The following USP48 variants were observed in gnomAD, a reference collection of about 807,000 sequenced individuals.
USP48 encodes the protein ubiquitin carboxyl-terminal hydrolase 48.
USP48 carries 43 observed loss-of-function variants against 150.7 expected under a neutral mutation model. The ratio of observed to expected loss-of-function variants is 0.29; its 90% CI spans 0.22 to 0.37. The LOEUF is 0.37. Ranked by LOEUF, USP48 falls within the 10% of genes least tolerant of loss-of-function variation. The probability of loss-of-function intolerance (pLI) is 1.00; values close to 1 mark genes in which losing one functional copy is unlikely to be tolerated. For missense variants in USP48, 813 were observed against 1,249.6 expected (o/e 0.65, Z 5.27); for synonymous variants, 396 against 425.9 (o/e 0.93, Z 0.86).
intron 8 of USP48, among the ~76,000 whole-genome samples, chr1:21,738,583 G>T (rs2097774053): frequency 7.0e-6 from 1 of 143,396 alleles, no homozygotes; most frequent in African/African-American, 2.6e-5. Context: ...GTCTCAAACT[G>T]CAGGCCTCAA....
At chr1:21,757,842 CAAATT>C (rs2097840746) in intron 1 of USP48, 59 bp from the exon 2 acceptor site, 4 of 1,504,366 alleles carry the variant, frequency 2.7e-6, no homozygotes, top group Non-Finnish European at 8.8e-7. Context: ...GAGAGACAAA[CAAATT>C]AAAACTAAAA....
At chr1:21,721,337 T>C (rs775562327) in intron 13 of USP48, among the ~76,000 whole-genome samples, 171 bp from the exon 14 acceptor site, 60 of 152,402 alleles carry the variant, frequency 3.9e-4, no homozygotes, top group Middle Eastern at 3.4e-3. Context: ...CTGTTCACTA[T>C]TGAACTGCAG....
chr1:21,778,059 C>T (rs561786990), intron 1 of USP48, among the ~76,000 whole-genome samples: 1 of 150,488 alleles, frequency 6.6e-6, no homozygotes, highest in Non-Finnish European at 1.5e-5. Context: ...AGGAGAATCG[C>T]TTGAACCTGG....
chr1:21,757,834 G>A lies in USP48; in HGVS notation c.135-51C>T, dbSNP rs796134335. The A allele has an allele frequency of 2.6e-6, 4 of 1,524,660 alleles. No individual in the cohort carries two copies. The African/African-American group carries it at 4.2e-5, about 16-fold the overall frequency. The allele number at this position is 1,524,660 out of a possible 1,614,324, so 94.4% of individuals were successfully genotyped here. A position where few individuals can be genotyped will look rare whatever the true frequency, so the allele number is the denominator to read the frequency against. On this transcript the variant is annotated intron_variant, in intron 1 of 26. Transcript: ENST00000308271. ...TTTTTAAAAGACCATAGTTTCATGAGAGACAAACAAATTAAAACTAAAATG... is the reference window on the plus strand; with the variant it reads ...TTTTTAAAAGACCATAGTTTCATGAAAGACAAACAAATTAAAACTAAAATG...
chr1:21,691,292 C>A (rs1191971661), intron 23 of USP48, among the ~76,000 whole-genome samples: 1 of 116,518 alleles, frequency 8.6e-6, no homozygotes, highest in Admixed American at 1.0e-4. Context: ...CCAGCCTATA[C>A]AACAAGAGCG....
chr1:21,699,199 T>G (rs397862236), intron 22 of USP48, among the ~76,000 whole-genome samples: 21,359 of 130,912 alleles, frequency 0.16, 1,682 homozygotes, highest in African/African-American at 0.27. Context: ...CTAATTTTTT[T>G]TTTTTTTTTT....
chr1:21,719,285 A>G (rs1342690790), intron 14 of USP48, among the ~76,000 whole-genome samples: 1 of 151,642 alleles, frequency 6.6e-6, no homozygotes, highest in East Asian at 1.9e-4. Context: ...CCATCTCAAA[A>G]AAGTAAAAAA....
chr1:21,711,315 T>A (rs1384591545), intron 15 of USP48, among the ~76,000 whole-genome samples: 1 of 152,046 alleles, frequency 6.6e-6, no homozygotes, highest in South Asian at 2.1e-4. Flanking sequence ...TTACAAAAAA[T>A]GAGAGAAGGG....
chr1:21,692,369 T>C (rs1195687681), intron 23 of USP48, among the ~76,000 whole-genome samples: 5 of 151,990 alleles, frequency 3.3e-5, no homozygotes. Flanking sequence ...TCCGGAACCA[T>C]GAAGATTGAG....
At chr1:21,758,185 A>AACACACAC (rs149088635) in intron 1 of USP48, among the ~76,000 whole-genome samples, 3,917 of 141,374 alleles carry the variant, frequency 0.028, 70 homozygotes, top group Middle Eastern at 0.04. Flanking sequence ...GCAACTGTAA[A>AACACACAC]ACACACACAC....
chr1:21,693,975 T>G (rs151032430), intron 23 of USP48, among the ~76,000 whole-genome samples: 1 of 152,296 alleles, frequency 6.6e-6, no homozygotes, highest in Non-Finnish European at 1.5e-5. Flanking sequence ...AGGAGGAAAT[T>G]TGGTCAACTT....
At chr1:21,782,535 C>G (rs913372404) in intron 1 of USP48, among the ~76,000 whole-genome samples, 30 of 152,244 alleles carry the variant, frequency 2.0e-4, no homozygotes, top group African/African-American at 7.2e-4. Flanking sequence ...GATACCCCAA[C>G]CATCAACGCT....
At position 21,773,810 on chromosome 1, in the gene USP48, C is replaced by T. The variant is rs992166683; in HGVS notation, c.134+9014G>A. On this transcript the variant is annotated intron_variant, in intron 1 of 26. Transcript: ENST00000308271. ...GGGTTGTATTATCAAAAACCGGAAA[C>T]CCCAAAGTCCATCAACAGGAAACTG... 4.6e-5 allele frequency among the ~76,000 whole-genome samples: 7 copies of T among 152,072 alleles called. No individual in the cohort carries two copies. In the South Asian group the frequency reaches 1.5e-3, roughly 32 times the overall value.
chr1:21,685,395 C>T (rs2097577930), intron 25 of USP48, among the ~76,000 whole-genome samples: 1 of 149,436 alleles, frequency 6.7e-6, no homozygotes, highest in South Asian at 2.1e-4. Flanking sequence ...GATCTTGGCT[C>T]ACTGCATCCA....
At chr1:21,719,865 A>G (rs929672159) in intron 14 of USP48, among the ~76,000 whole-genome samples, 3 of 152,172 alleles carry the variant, frequency 2.0e-5, no homozygotes, top group Non-Finnish European at 2.9e-5. Flanking sequence ...GCCTGAGCAA[A>G]AAGAGCAAAA....
At chr1:21,735,459 T>C (rs2097766766) in intron 9 of USP48, among the ~76,000 whole-genome samples, 1 of 152,172 alleles carries the variant, frequency 6.6e-6, no homozygotes, top group Non-Finnish European at 1.5e-5. Flanking sequence ...TTAAACATTT[T>C]TGCCAGGTTG....
intron 21 of USP48, among the ~76,000 whole-genome samples, chr1:21,701,979 AG>A (rs2097658299): frequency 6.6e-6 from 1 of 152,220 alleles, no homozygotes; most frequent in Non-Finnish European, 1.5e-5. Context: ...TTCAAGTGGC[AG>A]GAGTTACATG....
In USP48 at chr1:21,747,700, G is replaced by A. The variant is rs538559665; in HGVS notation, c.908+438C>T. Among the ~76,000 whole-genome samples the A allele has an allele frequency of 3.7e-3, 562 of 151,976 alleles. 4 individuals are homozygous for A. The highest frequency in any genetic ancestry group is 0.013 in the African/African-American group (542 of 41,448). On this transcript the variant is annotated intron_variant, in intron 7 of 26. Transcript: ENST00000308271. ...TGATTCTCCTGCCTCAGCCTCCCCA[G>A]TAGCTGGGATTACAGGCGCCTGCCA...
rs375746414 is a variant in USP48 at position 21,696,912 on chromosome 1, G to GA, written c.2728-1692_2728-1691insT. Among the ~76,000 whole-genome samples the GA allele has an allele frequency of 7.3e-5, 11 of 149,676 alleles. 1 individual carries two copies. The highest frequency in any genetic ancestry group is 3.4e-3 in the Middle Eastern group (1 of 294). ...CGGTGGGGGCGGTGGGGGATGGGGG[G>GA]TGAGTGAGAGGCGCAGGGGAGATTC... On this transcript the variant is annotated intron_variant, in intron 22 of 26. Coordinates refer to ENST00000308271, the MANE Select transcript of USP48 (RefSeq NM_032236.8).
Sources: gnomAD v4.1 joint callset for allele counts (sites outside exome capture counted in the v4.1 genomes callset) on GRCh38, gnomAD v4.1.1 for gene constraint, MANE v1.5 for transcripts, NCBI Gene and HGNC (gene_info 2026-07-23, HGNC 2026-07-21) for gene names.